WIPF2: variants seen among roughly 807,000 people sequenced by gnomAD.
WIPF2 encodes WAS/WASL-interacting protein family member 2.
A neutral mutation model predicts 38.8 loss-of-function variants in WIPF2; 23 were observed. That is an observed-to-expected ratio of 0.59 (90% CI 0.43 to 0.84). The LOEUF is 0.84. WIPF2 is among the 40% of genes least tolerant of loss of function. The probability of loss-of-function intolerance (pLI) is 0.00; values close to 1 mark genes in which losing one functional copy is unlikely to be tolerated. For synonymous variants in WIPF2, 210 were observed against 223.2 expected (o/e 0.94, Z 0.53); for missense variants, 574 against 580.5 (o/e 0.99, Z 0.11).
intron 2 of WIPF2, among the ~76,000 whole-genome samples, chr17:40,258,133 C>T (rs1371570641): frequency 6.6e-6 from 1 of 152,228 alleles, no homozygotes; most frequent in Non-Finnish European, 1.5e-5. Flanking sequence ...ACGAGTGGCT[C>T]ACGCCTGGAA....
At chr17:40,252,213 G>A (rs1198380991) in intron 1 of WIPF2, among the ~76,000 whole-genome samples, 1 of 152,206 alleles carries the variant, frequency 6.6e-6, no homozygotes, top group Non-Finnish European at 1.5e-5. Flanking sequence ...GGAGCACACT[G>A]ACAGGCATAA....
rs781363386 is a variant in WIPF2, at chr17:40,278,442, C to T, written c.*217C>T. ...CTATATTGACAGTAGGATCTCAAACCCTGCATCCATCCTTCCTCCAGCAAG... is the reference window on the plus strand; with the variant it reads ...CTATATTGACAGTAGGATCTCAAACTCTGCATCCATCCTTCCTCCAGCAAG... On this transcript the variant is annotated 3_prime_UTR_variant, in exon 8 of 8. Transcript: ENST00000323571. The T allele has an allele frequency of 1.1e-5, 6 of 556,876 alleles. No homozygotes were observed. The South Asian group carries it at 1.3e-4, about 12-fold the overall frequency. 34.5% of individuals were successfully genotyped at this position (556,876 alleles called of 1,614,324 possible).
intron 3 of WIPF2, among the ~76,000 whole-genome samples, chr17:40,261,601 C>A (rs964263464): frequency 3.6e-4 from 54 of 151,350 alleles, no homozygotes; most frequent in Non-Finnish European, 6.6e-4. Context: ...CCTGGCCCCC[C>A]AAACATTTAT....
chr17:40,274,557 GAA>G (rs571085371), intron 6 of WIPF2, among the ~76,000 whole-genome samples: 29 of 24,778 alleles, frequency 1.2e-3, no homozygotes, highest in African/African-American at 2.2e-3. Flanking sequence ...TGGAATTCTT[GAA>G]AAAAAAAAAA....
chr17:40,259,018 CAAAAAAAAAAAAAA>C (rs903377557), intron 2 of WIPF2, among the ~76,000 whole-genome samples: 1 of 34,912 alleles, frequency 2.9e-5, no homozygotes, highest in Admixed American at 3.8e-4. Flanking sequence ...AACTCTGTCT[CAAAAAAAAAAAAAA>C]AAAAAAAAAG....
At chr17:40,235,774 A>G (rs2030944939) in intron 1 of WIPF2, among the ~76,000 whole-genome samples, 2 of 151,160 alleles carry the variant, frequency 1.3e-5, no homozygotes, top group South Asian at 4.2e-4. Flanking sequence ...GGTTTCTTCC[A>G]TGTTGGTCAG....
At chr17:40,266,386 G>A (rs1248986759) in intron 5 of WIPF2, among the ~76,000 whole-genome samples, 1 of 152,150 alleles carries the variant, frequency 6.6e-6, no homozygotes, top group East Asian at 1.9e-4. Context: ...AAACTCCAAG[G>A]TAGAGTAAGT....
chr17:40,246,923 A>T (rs1309813955), intron 1 of WIPF2, among the ~76,000 whole-genome samples: 2 of 151,876 alleles, frequency 1.3e-5, no homozygotes, highest in East Asian at 3.9e-4. Flanking sequence ...CAGTCTGGCC[A>T]ACATAGTGAA....
rs1046572485 is a variant in WIPF2 at position 40,281,568 on chromosome 17, G to T, written c.*3343G>T. The stretch of plus-strand genomic sequence containing the variant: ...GAGCTCATCCCAGCCCTGTTAACTG[G>T]CAGTGGCAAGGATACTCGTCATCGG... On this transcript the variant is annotated 3_prime_UTR_variant, in exon 8 of 8. Transcript: ENST00000323571. 6.6e-6 allele frequency: 1 copy of T among 152,416 alleles called. No individual in the cohort carries two copies. Among genetic ancestry groups the T allele is most frequent in the Non-Finnish European group, 1.5e-5 (1 of 68,048 alleles). The allele number at this position is 152,416 out of a possible 1,614,324, so 9.4% of individuals were successfully genotyped here.
intron 5 of WIPF2, among the ~76,000 whole-genome samples, chr17:40,267,739 C>T (rs2032135069): frequency 6.6e-6 from 1 of 152,126 alleles, no homozygotes. Flanking sequence ...GGGTTTTCGC[C>T]GTGTTGGCCA....
intron 1 of WIPF2, among the ~76,000 whole-genome samples, chr17:40,234,908 ATCT>A (rs1004355348): frequency 2.0e-5 from 3 of 151,464 alleles, no homozygotes; most frequent in South Asian, 2.1e-4. Flanking sequence ...CATTGTGCAA[ATCT>A]TCTTTTTTTC....
At chr17:40,224,536 G>A (rs970257582) in intron 1 of WIPF2, among the ~76,000 whole-genome samples, 5 of 149,768 alleles carry the variant, frequency 3.3e-5, no homozygotes, top group Admixed American at 6.7e-5. Context: ...GTGAGCCACC[G>A]CGCCCGGCCC....
At chr17:40,251,821 T>C (rs1040894070) in intron 1 of WIPF2, among the ~76,000 whole-genome samples, 8 of 152,226 alleles carry the variant, frequency 5.3e-5, no homozygotes, top group Non-Finnish European at 1.2e-4. Context: ...TACATCATTA[T>C]GTAATAAATG....
chr17:40,231,927 TTTTC>T (rs1246209200), intron 1 of WIPF2, among the ~76,000 whole-genome samples: 6 of 146,472 alleles, frequency 4.1e-5, no homozygotes, highest in Middle Eastern at 3.5e-3. Context: ...TTCTTTGATT[TTTTC>T]TTTCTTTTTT....
At chr17:40,253,147 C>G (rs1057052794) in intron 1 of WIPF2, among the ~76,000 whole-genome samples, 1 of 150,466 alleles carries the variant, frequency 6.6e-6, no homozygotes, top group South Asian at 2.1e-4. Context: ...ACTGCAAGCT[C>G]CGTCTCCCAG....
chr17:40,275,336 T>A (rs2145414726), intron 6 of WIPF2, among the ~76,000 whole-genome samples: 1 of 152,208 alleles, frequency 6.6e-6, no homozygotes, highest in East Asian at 1.9e-4. Context: ...TCACGTTACT[T>A]CTCTGGGCCT....
intron 1 of WIPF2, chr17:40,220,573 G>GTGTGTATATATA (rs1431477384): frequency 5.2e-5 from 4 of 77,108 alleles, no homozygotes; most frequent in Non-Finnish European, 7.4e-5. Context: ...GTGTGTGTGT[G>GTGTGTATATATA]TATATATATA....
intron 5 of WIPF2, 103 bp downstream of exon 5, chr17:40,265,249 G>A: frequency 7.5e-7 from 1 of 1,341,184 alleles, no homozygotes; most frequent in South Asian, 1.4e-5. Context: ...CACTCAGTGG[G>A]TTTATTGAGT....
At chr17:40,269,120 A>C (rs1485651918) in intron 5 of WIPF2, among the ~76,000 whole-genome samples, 2 of 152,126 alleles carry the variant, frequency 1.3e-5, no homozygotes, top group African/African-American at 4.8e-5. Flanking sequence ...GGAGTTCAAG[A>C]CCAGCCTGGC....
Sources: gnomAD v4.1 joint callset for allele counts (sites outside exome capture counted in the v4.1 genomes callset) on GRCh38, gnomAD v4.1.1 for gene constraint, MANE v1.5 for transcripts, NCBI Gene and HGNC (gene_info 2026-07-23, HGNC 2026-07-21) for gene names.